The following WASHC4 variants were observed in gnomAD, a reference collection of about 807,000 sequenced individuals.
The protein encoded by WASHC4 is WASH complex subunit 4.
Under a neutral mutation model 166.6 loss-of-function variants are expected in WASHC4, and 86 were observed. The observed-to-expected ratio is 0.52, with a 90% CI of 0.43 to 0.62. The LOEUF (loss-of-function observed/expected upper bound fraction) is 0.62, where lower values mean the gene tolerates loss of function less well. WASHC4 is among the 20% of genes least tolerant of loss of function. The pLI, the probability that WASHC4 is intolerant of heterozygous loss-of-function variation, is 0.00. For synonymous variants in WASHC4, 446 were observed against 451.6 expected, an observed-to-expected ratio of 0.99 and a Z score of 0.16; for missense variants, 1,262 against 1,382.4, an observed-to-expected ratio of 0.91 and a Z score of 1.38.
chr12:105,117,379 G>A (rs1165204520), intron 6 of WASHC4, among the ~76,000 whole-genome samples: 1 of 152,020 alleles, frequency 6.6e-6, no homozygotes, highest in Non-Finnish European at 1.5e-5. Context: ...GACAATACCT[G>A]TTTTTTAATC....
At chr12:105,141,292 A>G (rs1592890882) in intron 18 of WASHC4, 46 bp downstream of exon 18, 1 of 1,239,760 alleles carries the variant, frequency 8.1e-7, no homozygotes, top group Admixed American at 1.7e-5. Context: ...GACAGGGTTA[A>G]TAGAAACATT....
Position 105,164,277 on chromosome 12 carries a change from C to T in WASHC4, c.3324C>T (p.Leu1108=). Residue 1108 remains leucine, a synonymous_variant, in exon 31 of 33, where the codon CTC becomes CTT. Transcript: ENST00000332180. ...AAAAACTCTTACAAACCATGAATCTCACTCAGAAGCGACTGGATGTCTATC... is the reference window on the plus strand; with the variant it reads ...AAAAACTCTTACAAACCATGAATCTTACTCAGAAGCGACTGGATGTCTATC... The part of the protein sequence containing the change: ...QDEKLLQTMN[L]TQKRLDVYLQ... 1 of 1,613,928 alleles carries T rather than the reference C, an allele frequency of 6.2e-7. No individual in the cohort carries two copies. Among genetic ancestry groups the T allele is most frequent in the Non-Finnish European group, 8.5e-7 (1 of 1,179,902 alleles).
rs879063475 is a variant in WASHC4, at chr12:105,146,621, A to C, written c.2409+95A>C. ...ATTGATTTTTATGGGTGAAAATTAA[A>C]TGAAACAAAAAATAATTGTTTTCGA... On this transcript the variant is annotated intron_variant, in intron 23 of 32. Transcript: ENST00000332180. The C allele has an allele frequency of 5.5e-6, 4 of 730,744 alleles. No individual in the cohort carries two copies. In the South Asian group the frequency reaches 6.3e-5, roughly 11 times the overall value. The allele number at this position is 730,744 out of a possible 1,614,324, so 45.3% of individuals were successfully genotyped here.
intron 13 of WASHC4, among the ~76,000 whole-genome samples, chr12:105,133,163 C>T (rs189446695): frequency 6.6e-6 from 1 of 152,268 alleles, no homozygotes; most frequent in East Asian, 1.9e-4. Context: ...CTCCCTCCCT[C>T]TGTATCTCGC....
At chr12:105,134,241 T>C (rs531171176) in intron 14 of WASHC4, among the ~76,000 whole-genome samples, 1 of 152,290 alleles carries the variant, frequency 6.6e-6, no homozygotes, top group East Asian at 1.9e-4. Context: ...TATTTTATTA[T>C]TGAGTTGTAG....
chr12:105,149,252 T>C, intron 24 of WASHC4: 1 of 985,372 alleles, frequency 1.0e-6, no homozygotes, highest in Non-Finnish European at 1.2e-6. Context: ...CAATAAGTAA[T>C]CTTACTGATG....
At chr12:105,115,999 T>C (rs1274891793) in intron 6 of WASHC4, among the ~76,000 whole-genome samples, 2 of 152,162 alleles carry the variant, frequency 1.3e-5, no homozygotes, top group Non-Finnish European at 2.9e-5. Flanking sequence ...TTAAACTTTG[T>C]ACCCACTGGA....
rs1447830239 is a variant in WASHC4 at position 105,168,924 on chromosome 12, T to C, written c.*1993T>C. Reference sequence around the variant, plus strand: ...TTCAGACATACTGTAATTTAAAAATTAATGTGAGCGTTTGTTTTAAGTTCA... The same window carrying C: ...TTCAGACATACTGTAATTTAAAAATCAATGTGAGCGTTTGTTTTAAGTTCA... On this transcript the variant is annotated 3_prime_UTR_variant, in exon 33 of 33. Transcript: ENST00000332180. 2 of 152,526 alleles carry C rather than the reference T, an allele frequency of 1.3e-5. No individual in the cohort carries two copies. The highest frequency in any genetic ancestry group is 2.9e-5 in the Non-Finnish European group (2 of 67,966). 9.4% of individuals were successfully genotyped at this position (152,526 alleles called of 1,614,324 possible). A position where few individuals can be genotyped will look rare whatever the true frequency, so the allele number is the denominator to read the frequency against.
At chr12:105,117,563 T>A (rs928714483) in intron 6 of WASHC4, among the ~76,000 whole-genome samples, 1 of 152,154 alleles carries the variant, frequency 6.6e-6, no homozygotes, top group East Asian at 1.9e-4. Flanking sequence ...ATAAAATGCG[T>A]TATTTATTTT....
chr12:105,142,637 AT>A (rs1359225326), intron 19 of WASHC4, 79 bp downstream of exon 19: 15 of 715,468 alleles, frequency 2.1e-5, no homozygotes, highest in Non-Finnish European at 3.2e-5. Context: ...AAAATAGATC[AT>A]TTGATTTAAT....
At chr12:105,150,674 C>T (rs911355210) in intron 25 of WASHC4, among the ~76,000 whole-genome samples, 3 of 152,184 alleles carry the variant, frequency 2.0e-5, no homozygotes, top group African/African-American at 4.8e-5. Context: ...GTCTCAGATG[C>T]TCAGGAGGCT....
At chr12:105,144,600 T>C (rs564304412) in intron 21 of WASHC4, 118 bp from the exon 22 acceptor site, 2 of 1,142,310 alleles carry the variant, frequency 1.8e-6, no homozygotes, top group South Asian at 2.8e-5. Context: ...TTTTTATTAA[T>C]ACCTTATTTT....
chr12:105,120,722 G>A (rs3751192), intron 8 of WASHC4, 125 bp downstream of exon 8: 42,490 of 694,284 alleles, frequency 0.061, 2,397 homozygotes, highest in East Asian at 0.23. Context: ...GTGTGTGTGT[G>A]TTTGTGTGTG....
At chr12:105,130,400 T>C (rs1486096391) in intron 13 of WASHC4, among the ~76,000 whole-genome samples, 1 of 152,210 alleles carries the variant, frequency 6.6e-6, no homozygotes, top group Non-Finnish European at 1.5e-5. Flanking sequence ...TCTTACTAAG[T>C]GGACAGTTGA....
intron 6 of WASHC4, among the ~76,000 whole-genome samples, chr12:105,117,910 G>A (rs1304068096): frequency 6.6e-6 from 1 of 152,190 alleles, no homozygotes; most frequent in Non-Finnish European, 1.5e-5. Flanking sequence ...TAGGATAAGT[G>A]ATACGACATT....
intron 23 of WASHC4, 63 bp from the exon 24 acceptor site, chr12:105,146,978 AC>A (rs1175399023): frequency 1.1e-6 from 1 of 873,488 alleles, no homozygotes; most frequent in East Asian, 2.4e-5. Context: ...TTCTTTGGAT[AC>A]CTGTTTGACC....
chr12:105,107,783 G>T lies in WASHC4; in HGVS notation c.-18G>T. 1 of 1,547,894 alleles carries T rather than the reference G, an allele frequency of 6.5e-7. No homozygotes were observed. On this transcript the variant is annotated 5_prime_UTR_variant, in exon 1 of 33. Transcript: ENST00000332180. ...GCACGGGCTGGTTGGGGCTGTGTCT[G>T]TGGGAGGCGCCGGGGTGATGGCGGT...
At chr12:105,162,721 T>C in intron 29 of WASHC4, 28 bp from the exon 30 acceptor site, 1 of 1,209,398 alleles carries the variant, frequency 8.3e-7, no homozygotes, top group Non-Finnish European at 1.2e-6. Flanking sequence ...CAAAATTGTT[T>C]TTCTAACATG....
At chr12:105,161,949 C>G (rs1356707439) in intron 29 of WASHC4, among the ~76,000 whole-genome samples, 1 of 152,120 alleles carries the variant, frequency 6.6e-6, no homozygotes, top group Non-Finnish European at 1.5e-5. Flanking sequence ...AATAAAAATA[C>G]CTTTTTAAAA....
Sources: allele counts gnomAD v4.1 joint callset (sites outside exome capture counted in the v4.1 genomes callset), GRCh38; gene constraint gnomAD v4.1.1; transcripts MANE v1.5; gene names NCBI Gene and HGNC (gene_info 2026-07-23, HGNC 2026-07-21).